Variants in B4GALT1 observed in about 807,000 individuals in gnomAD.
B4GALT1 encodes N-acetyllactosamine synthase.
In B4GALT1, 16 loss-of-function variants were observed where a neutral mutation model predicts 34.9. That is an observed-to-expected ratio of 0.46 (90% CI 0.31 to 0.70). The LOEUF (loss-of-function observed/expected upper bound fraction) is 0.70, where lower values mean the gene tolerates loss of function less well. Among genes scored for constraint, B4GALT1 ranks in the 30% least tolerant of loss-of-function variants. B4GALT1 has a pLI of 0.05. For synonymous variants in B4GALT1, 221 were observed against 218.1 expected (o/e 1.01, Z -0.12); for missense variants, 445 against 530.5 (o/e 0.84, Z 1.58).
At chr9:33,121,183 C>T (rs116176313) in intron 2 of B4GALT1, among the ~76,000 whole-genome samples, 1 of 152,106 alleles carries the variant, frequency 6.6e-6, no homozygotes, top group Admixed American at 6.5e-5. Flanking sequence ...CTGAGAAATA[C>T]AGCAAACCCA....
chr9:33,123,364 T>C (rs1430525375), intron 2 of B4GALT1, among the ~76,000 whole-genome samples: 1 of 151,712 alleles, frequency 6.6e-6, no homozygotes, highest in Non-Finnish European at 1.5e-5. Context: ...TAATATACTG[T>C]GAATATTCAC....
the B4GALT1 span, among the ~76,000 whole-genome samples, chr9:33,180,293 G>T: frequency 6.6e-6 from 1 of 152,118 alleles, no homozygotes; most frequent in African/African-American, 2.4e-5. Context: ...TGGGCATTTA[G>T]TAGGGTCCAT....
At chr9:33,115,603 C>T (rs1163871027) in intron 4 of B4GALT1, among the ~76,000 whole-genome samples, 1 of 152,148 alleles carries the variant, frequency 6.6e-6, no homozygotes, top group East Asian at 1.9e-4. Context: ...AAATATAACA[C>T]AAAGCTTCTG....
the B4GALT1 span, among the ~76,000 whole-genome samples, chr9:33,175,262 A>G: frequency 6.6e-6 from 1 of 151,492 alleles, no homozygotes; most frequent in African/African-American, 2.4e-5. Flanking sequence ...ATAGTAAGCT[A>G]TGATCAAGCC....
At chr9:33,116,300 A>G (rs562522153) in intron 3 of B4GALT1, among the ~76,000 whole-genome samples, 187 bp from the exon 4 acceptor site, 1 of 151,722 alleles carries the variant, frequency 6.6e-6, no homozygotes, top group Non-Finnish European at 1.5e-5. Flanking sequence ...GGCGCGATCT[A>G]GGCTCACTGC....
chr9:33,162,230 G>A (rs192227264), intron 1 of B4GALT1, among the ~76,000 whole-genome samples: 42 of 152,218 alleles, frequency 2.8e-4, no homozygotes, highest in Admixed American at 2.4e-3. Flanking sequence ...AATAAAACCA[G>A]GGCTGGAGAA....
chr9:33,153,752 T>A (rs1259967040), intron 1 of B4GALT1, among the ~76,000 whole-genome samples: 1 of 152,028 alleles, frequency 6.6e-6, no homozygotes, highest in African/African-American at 2.4e-5. Context: ...CCCAGATGGC[T>A]TTACTGGTGA....
chr9:33,113,998 AC>A, intron 4 of B4GALT1, 120 bp from the exon 5 acceptor site: 2 of 907,014 alleles, frequency 2.2e-6, no homozygotes, highest in Non-Finnish European at 3.6e-6. Context: ...TCAGCCCACA[AC>A]CCAGCATCAT....
At chr9:33,162,937 G>A (rs1336503593) in intron 1 of B4GALT1, among the ~76,000 whole-genome samples, 1 of 152,158 alleles carries the variant, frequency 6.6e-6, no homozygotes, top group African/African-American at 2.4e-5. Context: ...GTTAGACAAA[G>A]AATGTCTGTG....
rs1839859910 is a variant in B4GALT1, at chr9:33,111,330, C to G, written c.*2124G>C. ...TAAGAGTAAAATAACACAGAAGTTACCACTCAGGGCATTTGTCTGATTTCT... is the reference window on the plus strand; with the variant it reads ...TAAGAGTAAAATAACACAGAAGTTAGCACTCAGGGCATTTGTCTGATTTCT... On this transcript the variant is annotated 3_prime_UTR_variant, in exon 6 of 6. Transcript: ENST00000379731. 6.7e-6 allele frequency: 1 copy of G among 148,310 alleles called. No homozygotes were observed. Among genetic ancestry groups the G allele is most frequent in the South Asian group, 2.1e-4 (1 of 4,692 alleles). The allele number at this position is 148,310 out of a possible 1,614,324, so 9.2% of individuals were successfully genotyped here.
the B4GALT1 span, chr9:33,177,445 CA>C: frequency 1.8e-3 from 268 of 152,226 alleles, 2 homozygotes; most frequent in African/African-American, 6.1e-3. Context: ...TTTCCATGGC[CA>C]AACCTAGCCC....
rs1839856023 is a variant in B4GALT1, at chr9:33,111,269, A to AAAC, written c.*2184_*2185insGTT. On this transcript the variant is annotated 3_prime_UTR_variant, in exon 6 of 6. Transcript: ENST00000379731. ...GGTAACCAAAAAAAAAAAAAAAAAA[A>AAAC]AAAAAAAAACAACAAGAAAAGGTAG... 1 of 144,694 alleles carries AAAC rather than the reference A, an allele frequency of 6.9e-6. No homozygotes were observed. The allele number at this position is 144,694 out of a possible 1,614,324, so 9.0% of individuals were successfully genotyped here. A position where few individuals can be genotyped will look rare whatever the true frequency, so the allele number is the denominator to read the frequency against.
intron 1 of B4GALT1, among the ~76,000 whole-genome samples, chr9:33,160,616 A>G (rs1840659981): frequency 6.6e-6 from 1 of 152,014 alleles, no homozygotes; most frequent in Non-Finnish European, 1.5e-5. Context: ...AAAATACAAA[A>G]ATTAGTCAGG....
At chr9:33,128,023 A>C (rs10813951) in intron 2 of B4GALT1, among the ~76,000 whole-genome samples, 1 of 152,016 alleles carries the variant, frequency 6.6e-6, no homozygotes, top group Non-Finnish European at 1.5e-5. Context: ...ATTTGAGGAC[A>C]TGTGAACATT....
the B4GALT1 span, among the ~76,000 whole-genome samples, chr9:33,176,192 C>T: frequency 6.6e-6 from 1 of 152,184 alleles, no homozygotes; most frequent in Non-Finnish European, 1.5e-5. Context: ...AAGAAATAGG[C>T]TTTGTTCACA....
At chr9:33,104,534 A>G in exon 3 of B4GALT1, 1 of 340,940 alleles carries the variant, frequency 2.9e-6, no homozygotes, top group Non-Finnish European at 5.8e-6. Flanking sequence ...GGAGGACAGC[A>G]TTTGTCTCGA....
At chr9:33,114,963 C>G (rs566734729) in intron 4 of B4GALT1, among the ~76,000 whole-genome samples, 12 of 152,336 alleles carry the variant, frequency 7.9e-5, no homozygotes, top group Middle Eastern at 6.8e-3. Context: ...CGGCCCTGCA[C>G]ACTGTCATAT....
intron 4 of B4GALT1, among the ~76,000 whole-genome samples, chr9:33,114,183 T>G (rs1283104363): frequency 6.6e-6 from 1 of 152,146 alleles, no homozygotes; most frequent in Non-Finnish European, 1.5e-5. Flanking sequence ...AGGGCCAGGA[T>G]GGAGGTGAGA....
chr9:33,140,467 AT>A (rs1840332410), intron 1 of B4GALT1, among the ~76,000 whole-genome samples: 1 of 144,840 alleles, frequency 6.9e-6, no homozygotes, highest in African/African-American at 2.5e-5. Flanking sequence ...ATAGATTTTC[AT>A]GCTGGACTGA....
Sources: allele counts gnomAD v4.1 joint callset (sites outside exome capture counted in the v4.1 genomes callset), GRCh38; gene constraint gnomAD v4.1.1; transcripts MANE v1.5; gene names NCBI Gene and HGNC (gene_info 2026-07-23, HGNC 2026-07-21).